The following ZMIZ1 variants were observed in gnomAD, a reference collection of about 807,000 sequenced individuals.
ZMIZ1 encodes zinc finger MIZ domain-containing protein 1.
A neutral mutation model predicts 113.9 loss-of-function variants in ZMIZ1; 17 were observed. The ratio of observed to expected loss-of-function variants is 0.15; its 90% CI spans 0.10 to 0.22. The LOEUF (loss-of-function observed/expected upper bound fraction) is 0.22. ZMIZ1 is among the 10% of genes least tolerant of loss of function. The pLI, the probability that ZMIZ1 is intolerant of heterozygous loss-of-function variation, is 1.00. For missense variants in ZMIZ1, 1,059 were observed against 1,477.8 expected, an observed-to-expected ratio of 0.72 and a Z score of 4.65; for synonymous variants, 607 against 603.1, an observed-to-expected ratio of 1.01 and a Z score of -0.09.
At chr10:79,191,077 TG>T (rs1847581415) in intron 4 of ZMIZ1, among the ~76,000 whole-genome samples, 2 of 152,182 alleles carry the variant, frequency 1.3e-5, no homozygotes, top group Middle Eastern at 3.2e-3. Flanking sequence ...ATGCCTGCTA[TG>T]GGTGTGGGAG....
Position 79,216,234 on chromosome 10 carries a change from G to C in ZMIZ1, c.240G>C (p.Val80=). ...ACCTCGGCTACAGACTGCTGGCTGTGTGTGCTGCAAACCGAGACAAGTTCA... is the reference window on the plus strand; with the variant it reads ...ACCTCGGCTACAGACTGCTGGCTGTCTGTGCTGCAAACCGAGACAAGTTCA... ...DLDLGYRLLA[V]CAANRDKFTP... Residue 80 remains valine, a synonymous_variant, in exon 7 of 25, where the codon GTG becomes GTC. Coordinates refer to ENST00000334512, the MANE Select transcript of ZMIZ1 (RefSeq NM_020338.4). The C allele has an allele frequency of 6.3e-7, 1 of 1,583,174 alleles. No homozygotes were observed. Among genetic ancestry groups the C allele is most frequent in the Non-Finnish European group, 8.6e-7 (1 of 1,164,340 alleles).
intron 8 of ZMIZ1, among the ~76,000 whole-genome samples, chr10:79,283,947 A>T (rs1312223829): frequency 6.6e-6 from 1 of 152,220 alleles, no homozygotes; most frequent in Non-Finnish European, 1.5e-5. Flanking sequence ...CCTTGCACGG[A>T]GACGGGACCA....
intron 8 of ZMIZ1, chr10:79,285,645 T>C (rs1206957777): frequency 4.5e-6 from 2 of 447,098 alleles, no homozygotes; most frequent in Non-Finnish European, 9.1e-6. Context: ...AGGTGGTTTC[T>C]CCCTGGCACA....
At chr10:79,295,773 G>A (rs1322454792) in intron 12 of ZMIZ1, 1 of 152,272 alleles carries the variant, frequency 6.6e-6, no homozygotes, top group Non-Finnish European at 1.5e-5. Context: ...CACTCAGATG[G>A]GGAAGAAGAA....
intron 7 of ZMIZ1, among the ~76,000 whole-genome samples, chr10:79,222,945 A>G (rs1589443780): frequency 6.6e-6 from 1 of 152,158 alleles, no homozygotes; most frequent in African/African-American, 2.4e-5. Flanking sequence ...CACTGTTTCA[A>G]CTTCTGTCTT....
At chr10:79,082,161 G>A (rs185886878) in intron 1 of ZMIZ1, among the ~76,000 whole-genome samples, 77 of 151,898 alleles carry the variant, frequency 5.1e-4, no homozygotes, top group Non-Finnish European at 3.8e-4. Context: ...TTTGCAAAGC[G>A]GCTGGGCCTT....
At chr10:79,146,952 G>A (rs1845514913) in intron 3 of ZMIZ1, among the ~76,000 whole-genome samples, 1 of 129,518 alleles carries the variant, frequency 7.7e-6, no homozygotes, top group African/African-American at 2.7e-5. Flanking sequence ...GTACGTGTGT[G>A]TGTGTGTGTG....
Position 79,312,873 on chromosome 10 carries a change from G to A in ZMIZ1, c.*124G>A, listed in dbSNP as rs1855290122. 2.3e-6 allele frequency: 2 copies of A among 859,826 alleles called. No homozygotes were observed. Among genetic ancestry groups the A allele is most frequent in the Non-Finnish European group, 3.6e-6 (2 of 552,328 alleles). 53.3% of individuals were successfully genotyped at this position (859,826 alleles called of 1,614,324 possible). A position where few individuals can be genotyped will look rare whatever the true frequency, so the allele number is the denominator to read the frequency against. Reference sequence around the variant, plus strand: ...CACCAGAGCCACGGGCTGTGGGGCGGGGAGCCCTCCCCCGCTGCAGCCCTC... The same window carrying A: ...CACCAGAGCCACGGGCTGTGGGGCGAGGAGCCCTCCCCCGCTGCAGCCCTC... On this transcript the variant is annotated 3_prime_UTR_variant, in exon 25 of 25. Coordinates refer to ENST00000334512, the MANE Select transcript of ZMIZ1 (RefSeq NM_020338.4).
chr10:79,293,301 C>A, intron 11 of ZMIZ1, 80 bp from the exon 12 acceptor site: 150 of 1,286,372 alleles, frequency 1.2e-4, no homozygotes, highest in Non-Finnish European at 1.4e-4. Flanking sequence ...CCCAACCCTT[C>A]CCTCCCTGCA....
chr10:79,145,924 T>C (rs1845463292), intron 3 of ZMIZ1, among the ~76,000 whole-genome samples: 1 of 152,194 alleles, frequency 6.6e-6, no homozygotes, highest in Non-Finnish European at 1.5e-5. Flanking sequence ...CCCAGGCTGG[T>C]CTCAAACTCC....
Position 79,090,432 on chromosome 10 carries a change from C to T in ZMIZ1, c.-337+21162C>T, listed in dbSNP as rs143755739. ...GACATACTTGGAGGGAGAGAAGGAC[C>T]TTCTGCCCCCTCTCAGGGTGTGGGG... On this transcript the variant is annotated intron_variant, in intron 1 of 24. Coordinates refer to ENST00000334512, the MANE Select transcript of ZMIZ1 (RefSeq NM_020338.4). 1.0e-3 allele frequency among the ~76,000 whole-genome samples: 156 copies of T among 152,276 alleles called. 1 individual carries two copies. Among genetic ancestry groups the T allele is most frequent in the African/African-American group, 3.5e-3 (147 of 41,562 alleles).
intron 7 of ZMIZ1, among the ~76,000 whole-genome samples, chr10:79,251,431 C>T (rs1040600852): frequency 2.0e-5 from 3 of 152,236 alleles, no homozygotes; most frequent in South Asian, 2.1e-4. Flanking sequence ...TTGTGGGAGG[C>T]GTGTTCCTCT....
chr10:79,091,709 T>A (rs889108522), intron 1 of ZMIZ1, among the ~76,000 whole-genome samples: 2 of 151,876 alleles, frequency 1.3e-5, no homozygotes, highest in African/African-American at 4.8e-5. Context: ...GGAAGGGAGG[T>A]GTGCCTGTGG....
chr10:79,140,461 G>A (rs538992701), intron 3 of ZMIZ1, among the ~76,000 whole-genome samples: 66 of 152,288 alleles, frequency 4.3e-4, no homozygotes, highest in East Asian at 3.5e-3. Flanking sequence ...TACTTCGACC[G>A]TACTGCACTC....
intron 1 of ZMIZ1, among the ~76,000 whole-genome samples, chr10:79,116,657 G>A (rs1844044726): frequency 6.6e-6 from 1 of 152,182 alleles, no homozygotes; most frequent in Non-Finnish European, 1.5e-5. Context: ...GAAAGCCACG[G>A]AAAGATTTGT....
chr10:79,208,549 G>T lies in ZMIZ1; in HGVS notation c.174+100G>T, dbSNP rs141552563. The T allele has an allele frequency of 4.6e-4, 453 of 977,034 alleles. 3 individuals are homozygous for T. The African/African-American group carries it at 6.4e-3, about 14-fold the overall frequency. The allele number at this position is 977,034 out of a possible 1,614,324, so 60.5% of individuals were successfully genotyped here. A position where few individuals can be genotyped will look rare whatever the true frequency, so the allele number is the denominator to read the frequency against. ...CAGAGAGGTTGTCAGACATTGGGAG[G>T]TGACACCAGTGAGAGAGCTGGGAAG... is the stretch of plus-strand genomic sequence containing the variant. On this transcript the variant is annotated intron_variant, in intron 6 of 24. Coordinates refer to ENST00000334512, the MANE Select transcript of ZMIZ1 (RefSeq NM_020338.4).
At chr10:79,070,535 T>C (rs2485698) in intron 1 of ZMIZ1, among the ~76,000 whole-genome samples, 141,250 of 152,096 alleles carry the variant, frequency 0.93, 65,811 homozygotes, top group African/African-American at 0.98. Context: ...GGGCAGCCGG[T>C]CCGGGCCCCC....
chr10:79,248,654 G>A (rs1451476745), intron 7 of ZMIZ1, among the ~76,000 whole-genome samples: 1 of 152,164 alleles, frequency 6.6e-6, no homozygotes, highest in Non-Finnish European at 1.5e-5. Flanking sequence ...ATGGTGGGGG[G>A]CGAGGGCAGC....
chr10:79,182,625 G>GT, intron 4 of ZMIZ1, among the ~76,000 whole-genome samples: 1 of 152,354 alleles, frequency 6.6e-6, no homozygotes, highest in Admixed American at 6.5e-5. Flanking sequence ...GTAAGCGTAT[G>GT]TATGCCAGGG....
Sources: gnomAD v4.1 joint callset for allele counts (sites outside exome capture counted in the v4.1 genomes callset) on GRCh38, gnomAD v4.1.1 for gene constraint, MANE v1.5 for transcripts, NCBI Gene and HGNC (gene_info 2026-07-23, HGNC 2026-07-21) for gene names.